Variants in SLC6A14 observed in about 807,000 individuals in gnomAD.
SLC6A14 encodes the protein solute carrier family 6 member 14, also known as sodium- and chloride-dependent neutral and basic amino acid transporter B(0+).
SLC6A14 carries 21 observed loss-of-function variants against 51.4 expected under a neutral mutation model. That is an observed-to-expected ratio of 0.41 (90% CI 0.29 to 0.59). The LOEUF is 0.59. Among genes scored for constraint, SLC6A14 ranks in the 20% least tolerant of loss-of-function variants. SLC6A14 has a pLI of 0.31. For missense variants in SLC6A14, 371 were observed against 472.8 expected, an observed-to-expected ratio of 0.78 and a Z score of 2.00; for synonymous variants, 177 against 160.7, an observed-to-expected ratio of 1.10 and a Z score of -0.77.
At position 116,437,968 on chromosome X, in the gene SLC6A14, A is replaced by ACGGGGGGGCG; in HGVS notation, c.214+14_214+15insGGGGGGGCGC. 1 of 1,122,182 alleles carries ACGGGGGGGCG rather than the reference A, an allele frequency of 8.9e-7. No individual in the cohort carries two copies. The highest frequency in any genetic ancestry group is 1.2e-6 in the Non-Finnish European group (1 of 840,400). 92.5% of individuals were successfully genotyped at this position (1,122,182 alleles called of 1,213,427 possible). ...AGCAATGGTGGAGGTATTCTATTTC[A>ACGGGGGGGCG]CCCCCACCCTCCCACCCCCGCTTTT... On this transcript the variant is annotated intron_variant, in intron 2 of 13. Transcript: ENST00000598581.
At chrX:116,439,169 C>T (rs1224344866) in intron 2 of SLC6A14, among the ~76,000 whole-genome samples, 1 of 111,098 alleles carries the variant, frequency 9.0e-6, no homozygotes, top group Non-Finnish European at 1.9e-5. Flanking sequence ...CAGTAATTGC[C>T]ACAAATTTCT....
intron 1 of SLC6A14, 119 bp from the exon 2 acceptor site, chrX:116,437,671 G>C: frequency 1.5e-6 from 1 of 676,502 alleles, no homozygotes; most frequent in Non-Finnish European, 2.2e-6. Context: ...ATTCCCCTCA[G>C]CTATGGTTTT....
rs1556694999 is a variant in SLC6A14, at chrX:116,459,111, A to G, written c.*156A>G. ...ATTTAAGCAGGAATGCAATATAAAA[A>G]TGTGAATCTCTTAATTCTCAGCCAT... On this transcript the variant is annotated 3_prime_UTR_variant, in exon 14 of 14. Coordinates refer to ENST00000598581, the MANE Select transcript of SLC6A14 (RefSeq NM_007231.5). 2 of 414,142 alleles carry G rather than the reference A, an allele frequency of 4.8e-6. No individual in the cohort carries two copies. The highest frequency in any genetic ancestry group is 8.0e-6 in the Non-Finnish European group (2 of 249,212). The allele number at this position is 414,142 out of a possible 1,213,427, so 34.1% of individuals were successfully genotyped here.
At position 116,446,738 on chromosome X, in the gene SLC6A14, T is replaced by C. The variant is rs782169741; in HGVS notation, c.790-3T>C. On this transcript the variant is annotated splice_polypyrimidine_tract_variant and splice_region_variant and intron_variant, in intron 6 of 13. Coordinates refer to ENST00000598581, the MANE Select transcript of SLC6A14 (RefSeq NM_007231.5). ...ACTAATTTTTGGTTACTTTTCTTGG[T>C]AGGTGGTATATTTTACAGCTCTTTT... 8.4e-7 allele frequency: 1 copy of C among 1,196,883 alleles called. No homozygotes were observed. Among genetic ancestry groups the C allele is most frequent in the South Asian group, 1.8e-5 (1 of 56,240 alleles).
intron 7 of SLC6A14, among the ~76,000 whole-genome samples, chrX:116,448,912 CA>C (rs1461014116): frequency 8.9e-6 from 1 of 111,852 alleles, no homozygotes; most frequent in Non-Finnish European, 1.9e-5. Flanking sequence ...TCCAACACGA[CA>C]TGACCCAACT....
At chrX:116,442,563 C>T (rs1267377784) in intron 3 of SLC6A14, 124 bp from the exon 4 acceptor site, 4 of 544,953 alleles carry the variant, frequency 7.3e-6, no homozygotes, top group Non-Finnish European at 8.3e-6. Flanking sequence ...CCGCACCCTG[C>T]CTGAAACAGT....
intron 8 of SLC6A14, among the ~76,000 whole-genome samples, chrX:116,452,321 T>C (rs1556694462): frequency 9.0e-6 from 1 of 111,459 alleles, no homozygotes; most frequent in Non-Finnish European, 1.9e-5. Flanking sequence ...TAATGTCATA[T>C]ATGTCTTGCA....
Position 116,436,698 on chromosome X carries a change from A to T in SLC6A14, c.-12A>T. ...AGAGGAGGCGAGGCGGAGCCAGCCG[A>T]GGGAGTGAACCATGGACAAGTTGAA... On this transcript the variant is annotated 5_prime_UTR_variant, in exon 1 of 14. Transcript: ENST00000598581. 8.6e-7 allele frequency: 1 copy of T among 1,163,990 alleles called. No homozygotes were observed. The highest frequency in any genetic ancestry group is 1.1e-6 in the Non-Finnish European group (1 of 870,839).
At chrX:116,456,067 G>A (rs1191380487) in intron 12 of SLC6A14, among the ~76,000 whole-genome samples, 15 of 111,098 alleles carry the variant, frequency 1.4e-4, no homozygotes, top group Non-Finnish European at 2.7e-4. Context: ...TGTCTTACTC[G>A]AGAGACATAA....
chrX:116,440,722 T>G (rs1482500448), intron 2 of SLC6A14, among the ~76,000 whole-genome samples: 1 of 111,844 alleles, frequency 8.9e-6, no homozygotes, highest in Non-Finnish European at 1.9e-5. Context: ...CTTTCTATAC[T>G]CTACCATTTT....
At chrX:116,455,550 G>C in intron 12 of SLC6A14, 84 bp downstream of exon 12, 1 of 641,749 alleles carries the variant, frequency 1.6e-6, no homozygotes, top group Non-Finnish European at 2.4e-6. Context: ...AAGACAAAAG[G>C]CAAATTAATT....
chrX:116,437,969 C>A lies in SLC6A14; in HGVS notation c.214+14C>A. On this transcript the variant is annotated intron_variant, in intron 2 of 13. Transcript: ENST00000598581. ...GCAATGGTGGAGGTATTCTATTTCACCCCCACCCTCCCACCCCCGCTTTTC... is the reference window on the plus strand; with the variant it reads ...GCAATGGTGGAGGTATTCTATTTCAACCCCACCCTCCCACCCCCGCTTTTC... The A allele has an allele frequency of 9.1e-7, 1 of 1,096,580 alleles. No homozygotes were observed. The highest frequency in any genetic ancestry group is 3.4e-5 in the East Asian group (1 of 29,733). The allele number at this position is 1,096,580 out of a possible 1,213,427, so 90.4% of individuals were successfully genotyped here.
At chrX:116,456,565 C>A (rs188820053) in intron 12 of SLC6A14, among the ~76,000 whole-genome samples, 2 of 111,035 alleles carry the variant, frequency 1.8e-5, no homozygotes, top group African/African-American at 6.5e-5. Context: ...ATAAGTTTGA[C>A]ACCTGAATTT....
In SLC6A14 at chrX:116,441,168, T is replaced by G. The variant is rs1927589615; in HGVS notation, c.346+71T>G. On this transcript the variant is annotated intron_variant, in intron 3 of 13. Transcript: ENST00000598581. ...ATGCTTTTTTGTATATTTGTGCATATAGCTACCTTCACTGTGAGGAACAAA... is the reference window on the plus strand; with the variant it reads ...ATGCTTTTTTGTATATTTGTGCATAGAGCTACCTTCACTGTGAGGAACAAA... 2.8e-6 allele frequency: 3 copies of G among 1,061,551 alleles called. No individual in the cohort carries two copies. The East Asian group carries it at 9.3e-5, about 33-fold the overall frequency. The allele number at this position is 1,061,551 out of a possible 1,213,427, so 87.5% of individuals were successfully genotyped here. A position where few individuals can be genotyped will look rare whatever the true frequency, so the allele number is the denominator to read the frequency against.
chrX:116,441,121 G>A, intron 3 of SLC6A14, 24 bp downstream of exon 3: 1 of 1,197,220 alleles, frequency 8.4e-7, no homozygotes, highest in Non-Finnish European at 1.1e-6. Context: ...CGTTTTCTTG[G>A]TATTAAAGCA....
chrX:116,437,641 T>C (rs781977159), intron 1 of SLC6A14, 149 bp from the exon 2 acceptor site: 1 of 546,158 alleles, frequency 1.8e-6, no homozygotes, highest in African/African-American at 2.3e-5. Flanking sequence ...TCAGCAGAAA[T>C]CTCCCCAACT....
intron 7 of SLC6A14, 121 bp downstream of exon 7, chrX:116,447,002 A>G (rs1556694073): frequency 3.7e-6 from 2 of 537,545 alleles, no homozygotes; most frequent in East Asian, 3.7e-5. Flanking sequence ...ATACAGTTAA[A>G]TTTATTAGTT....
intron 12 of SLC6A14, 40 bp downstream of exon 12, chrX:116,455,506 A>G (rs782808294): frequency 2.3e-5 from 19 of 838,597 alleles, no homozygotes; most frequent in Admixed American, 6.9e-5. Flanking sequence ...TCGATAATAC[A>G]TATGTTCTAA....
intron 2 of SLC6A14, among the ~76,000 whole-genome samples, chrX:116,439,775 A>G (rs1927557873): frequency 9.0e-6 from 1 of 110,670 alleles, no homozygotes; most frequent in African/African-American, 3.3e-5. Flanking sequence ...AACTTCTACT[A>G]GTCATAGTAA....
Sources: allele counts gnomAD v4.1 joint callset (sites outside exome capture counted in the v4.1 genomes callset), GRCh38; gene constraint gnomAD v4.1.1; transcripts MANE v1.5; gene names NCBI Gene and HGNC (gene_info 2026-07-23, HGNC 2026-07-21).